PTPRF: variants seen among roughly 807,000 people sequenced by gnomAD.
PTPRF encodes protein tyrosine phosphatase receptor type F.
A neutral mutation model predicts 201.8 loss-of-function variants in PTPRF; 59 were observed. The ratio of observed to expected loss-of-function variants is 0.29; its 90% CI spans 0.24 to 0.36. The LOEUF (loss-of-function observed/expected upper bound fraction) is 0.36, where lower values mean the gene tolerates loss of function less well. Among genes scored for constraint, PTPRF ranks in the 10% least tolerant of loss-of-function variants. The pLI is 1.00. For missense variants in PTPRF, 2,132 were observed against 2,690.5 expected (o/e 0.79, Z 4.59); for synonymous variants, 1,088 against 1,089.7 (o/e 1.00, Z 0.03).
chr1:43,619,262 C>T, intron 27 of PTPRF, 26 bp from the exon 28 acceptor site: 1 of 1,611,118 alleles, frequency 6.2e-7, no homozygotes, highest in Non-Finnish European at 8.5e-7. Context: ...GGCGCCTGTG[C>T]CTCAAGCTGA....
chr1:43,572,341 ACTC>A (rs1646631114), intron 6 of PTPRF, among the ~76,000 whole-genome samples: 1 of 150,550 alleles, frequency 6.6e-6, no homozygotes, highest in East Asian at 1.9e-4. Flanking sequence ...TCTAATGTTC[ACTC>A]CTCCTTCTGC....
rs373604919 is a variant in PTPRF at position 43,597,821 on chromosome 1, G to T, written c.1887G>T (p.Pro629=). The change falls in exon 12 of 34, where the codon CCG becomes CCT. Residue 629 remains proline (P), a synonymous_variant. Coordinates refer to ENST00000359947, the MANE Select transcript of PTPRF (RefSeq NM_002840.5). ...CCACGGTCCGGGTAAGTTGGGTCCC[G>T]CCGCCTGCCGACAGCCGCAACGGCG... ...GSTTVRVSWV[P]PPADSRNGVI... is the part of the protein sequence containing the mutation. The T allele has an allele frequency of 1.2e-6, 2 of 1,602,362 alleles. No homozygotes were observed. Among genetic ancestry groups the T allele is most frequent in the Admixed American group, 1.7e-5 (1 of 59,012 alleles).
intron 9 of PTPRF, 76 bp from the exon 10 acceptor site, chr1:43,591,733 ACTT>A (rs983131533): frequency 1.7e-5 from 27 of 1,562,624 alleles, no homozygotes; most frequent in Non-Finnish European, 2.3e-5. Context: ...TTAGGACCTG[ACTT>A]CCTCGGCTCC....
chr1:43,597,747 G>GC lies in PTPRF; in HGVS notation c.1818dup (p.Ser607LeufsTer59). ...GCTTCCCCCCCATTTGTCTTCCCCA[G>GC]CCCCCTCCGCCCCTCCCCAGAAGGT... On this transcript the variant is annotated frameshift_variant and splice_region_variant. Coordinates refer to ENST00000359947, the MANE Select transcript of PTPRF (RefSeq NM_002840.5). LOFTEE classifies it high-confidence loss of function. The GC allele has an allele frequency of 9.9e-7, 1 of 1,006,160 alleles. No homozygotes were observed. Among genetic ancestry groups the GC allele is most frequent in the South Asian group, 1.6e-5 (1 of 62,934 alleles). The allele number at this position is 1,006,160 out of a possible 1,614,324, so 62.3% of individuals were successfully genotyped here. A position where few individuals can be genotyped will look rare whatever the true frequency, so the allele number is the denominator to read the frequency against.
chr1:43,551,469 G>A (rs1645034473), intron 3 of PTPRF, among the ~76,000 whole-genome samples: 2 of 152,116 alleles, frequency 1.3e-5, no homozygotes, highest in African/African-American at 4.8e-5. Flanking sequence ...TGGACCTTCT[G>A]TGGTGTCTTC....
chr1:43,617,756 A>C lies in PTPRF; in HGVS notation c.4216A>C (p.Ile1406Leu). Residue 1406 changes from isoleucine to leucine, a missense_variant, in exon 25 of 34, where the codon ATC becomes CTC. Transcript: ENST00000359947. ...SIDGVPGSDY[I>L]NANYIDGYRK... is the part of the protein sequence containing the mutation. ...CATAGGCGTCCCCGGGAGTGACTAC[A>C]TCAATGCCAACTACATCGATGGCTA... The C allele has an allele frequency of 6.2e-7, 1 of 1,613,982 alleles. No individual in the cohort carries two copies. The highest frequency in any genetic ancestry group is 8.5e-7 in the Non-Finnish European group (1 of 1,179,918).
upstream of PTPRF, among the ~76,000 whole-genome samples, chr1:43,523,903 G>A (rs1477362791): frequency 6.6e-6 from 1 of 150,726 alleles, no homozygotes; most frequent in Non-Finnish European, 1.5e-5. Flanking sequence ...AAAAAAAAAA[G>A]GAAAAAAAAA....
rs376974470 is a variant in PTPRF, at chr1:43,545,104, C to T, written c.29C>T (p.Thr10Met). 1.1e-5 allele frequency: 17 copies of T among 1,586,884 alleles called. No individual in the cohort carries two copies. The highest frequency in any genetic ancestry group is 3.3e-4 in the Middle Eastern group (2 of 6,058). ...GCCCCTGAGCCAGCCCCAGGGAGGACGATGGTGCCCCTTGTGCCTGCACTG... is the reference window on the plus strand; with the variant it reads ...GCCCCTGAGCCAGCCCCAGGGAGGATGATGGTGCCCCTTGTGCCTGCACTG... The part of the protein sequence containing the change: MAPEPAPGR[T>M]MVPLVPALVM... The change falls in exon 3 of 34, where the codon ACG becomes ATG. Residue 10 changes from threonine to methionine, a missense_variant. By Grantham distance (81) the Thr-to-Met change is moderately conservative. Around this residue, in one of 6 missense-constraint regions of PTPRF, gnomAD observed 297 missense variants for 454.0 expected, o/e 0.65. Transcript: ENST00000359947.
intron 12 of PTPRF, chr1:43,598,291 C>T: frequency 2.0e-6 from 1 of 497,664 alleles, no homozygotes; most frequent in Non-Finnish European, 3.5e-6. Flanking sequence ...AGAAGCAGCC[C>T]TGTCTAAGAT....
intron 5 of PTPRF, among the ~76,000 whole-genome samples, chr1:43,555,067 G>A (rs1430732911): frequency 1.3e-5 from 2 of 151,824 alleles, no homozygotes; most frequent in Admixed American, 6.6e-5. Context: ...GGTCAGGCTG[G>A]TCTCAAACTC....
chr1:43,613,185 C>T, intron 22 of PTPRF: 1 of 311,146 alleles, frequency 3.2e-6, no homozygotes, highest in East Asian at 8.3e-5. Flanking sequence ...ACACTTGGTG[C>T]CCGGGATGAC....
intron 23 of PTPRF, among the ~76,000 whole-genome samples, chr1:43,614,040 A>G (rs1399685134): frequency 6.6e-6 from 1 of 152,230 alleles, no homozygotes; most frequent in African/African-American, 2.4e-5. Flanking sequence ...ATACAGACAT[A>G]GATCAGTGAT....
rs534580778 is a variant in PTPRF at position 43,602,003 on chromosome 1, G to GA, written c.2314-68_2314-67insA. ...CCTCCCTGGGCAAGGTCCCTTCCAG[G>GA]CCAGGCCCTCTCCAGGTCAGAGTCC... On this transcript the variant is annotated intron_variant, in intron 13 of 33. Coordinates refer to ENST00000359947, the MANE Select transcript of PTPRF (RefSeq NM_002840.5). 1,601 of 1,558,580 alleles carry GA rather than the reference G, an allele frequency of 1.0e-3. 3 individuals are homozygous for GA. The highest frequency in any genetic ancestry group is 1.3e-3 in the Non-Finnish European group (1,430 of 1,129,732).
rs1647796585 is a variant in PTPRF, at chr1:43,582,022, A to G, written c.679+3102A>G. ...TGGGGGAAATTACTGATGGCTTCCC[A>G]CTGCCATTGTCTCCACCCATCTGAC... On this transcript the variant is annotated intron_variant, in intron 7 of 33. Coordinates refer to ENST00000359947, the MANE Select transcript of PTPRF (RefSeq NM_002840.5). Among the ~76,000 whole-genome samples, 5 of 152,122 alleles carry G rather than the reference A, an allele frequency of 3.3e-5. No individual in the cohort carries two copies. In the South Asian group the frequency reaches 1.0e-3, roughly 32 times the overall value.
chr1:43,589,105 ATTCTTG>A, intron 8 of PTPRF, 105 bp downstream of exon 8: 1 of 1,350,514 alleles, frequency 7.4e-7, no homozygotes, highest in Non-Finnish European at 9.7e-7. Flanking sequence ...TGGCTGAGGG[ATTCTTG>A]CCCTTTCCTG....
At chr1:43,569,442 C>T (rs1373287540) in intron 5 of PTPRF, 148 bp from the exon 6 acceptor site, 14 of 755,466 alleles carry the variant, frequency 1.9e-5, no homozygotes, top group Non-Finnish European at 2.9e-5. Context: ...TTCCTCAAAT[C>T]GGGGTATGCT....
chr1:43,572,017 C>T (rs187516834), intron 6 of PTPRF, among the ~76,000 whole-genome samples: 2 of 152,370 alleles, frequency 1.3e-5, no homozygotes, highest in East Asian at 1.9e-4. Flanking sequence ...TTTCTGTGCC[C>T]TTGACCCTCC....
At chr1:43,620,630 G>A (rs1173377469) in intron 31 of PTPRF, 51 bp downstream of exon 31, 2 of 1,595,280 alleles carry the variant, frequency 1.3e-6, no homozygotes, top group South Asian at 1.1e-5. Flanking sequence ...CACACGCTGG[G>A]TGGATGGCTG....
At chr1:43,570,204 G>A (rs1168828064) in intron 6 of PTPRF, among the ~76,000 whole-genome samples, 1 of 152,234 alleles carries the variant, frequency 6.6e-6, no homozygotes, top group Non-Finnish European at 1.5e-5. Context: ...TCAAAAGGCT[G>A]GATCTCAGGG....
Sources: allele counts gnomAD v4.1 joint callset (sites outside exome capture counted in the v4.1 genomes callset), GRCh38; gene constraint gnomAD v4.1.1; regional missense constraint gnomAD v4.1.1; transcripts MANE v1.5; gene names NCBI Gene and HGNC (gene_info 2026-07-23, HGNC 2026-07-21).